PARG: variants seen among roughly 807,000 people sequenced by gnomAD.
PARG encodes poly(ADP-ribose) glycohydrolase, also known as mitochondrial poly(ADP-ribose) glycohydrolase.
In PARG, 35 loss-of-function variants were observed where a neutral mutation model predicts 113.0. The observed-to-expected ratio is 0.31, with a 90% CI of 0.24 to 0.41. PARG has a LOEUF of 0.41. PARG is among the 10% of genes least tolerant of loss of function. The pLI, the probability that PARG is intolerant of heterozygous loss-of-function variation, is 1.00. For synonymous variants in PARG, 330 were observed against 409.9 expected, an observed-to-expected ratio of 0.81 and a Z score of 2.36; for missense variants, 797 against 1,169.4, an observed-to-expected ratio of 0.68 and a Z score of 4.64.
intron 7 of PARG, among the ~76,000 whole-genome samples, chr10:49,915,421 C>T (rs1837417812): frequency 1.3e-5 from 2 of 152,032 alleles, no homozygotes; most frequent in South Asian, 4.1e-4. Context: ...TAGTAAATTG[C>T]TACAATTAAT....
At chr10:49,937,243 G>A (rs1352594200) in intron 1 of PARG, among the ~76,000 whole-genome samples, 1 of 152,192 alleles carries the variant, frequency 6.6e-6, no homozygotes, top group Non-Finnish European at 1.5e-5. Context: ...TTGGGAGGAC[G>A]AGGCAGGCGG....
chr10:49,938,612 CT>C (rs1177041984), intron 1 of PARG, among the ~76,000 whole-genome samples: 1 of 149,078 alleles, frequency 6.7e-6, no homozygotes, highest in African/African-American at 2.5e-5. Context: ...TTTTTTTTTT[CT>C]TTTTTCAGAA....
At chr10:49,827,151 G>A (rs1740250609) in intron 16 of PARG, among the ~76,000 whole-genome samples, 1 of 152,224 alleles carries the variant, frequency 6.6e-6, no homozygotes, top group African/African-American at 2.4e-5. Flanking sequence ...GTTACCACTG[G>A]AGTAGAATCT....
chr10:49,877,124 T>G (rs1458351878), intron 9 of PARG, among the ~76,000 whole-genome samples: 2 of 150,916 alleles, frequency 1.3e-5, no homozygotes, highest in Non-Finnish European at 3.0e-5. Flanking sequence ...CCAAGAATTA[T>G]GACAGTCTAA....
At chr10:49,867,933 C>CA (rs1480034121) in intron 10 of PARG, among the ~76,000 whole-genome samples, 67 of 151,660 alleles carry the variant, frequency 4.4e-4, no homozygotes, top group African/African-American at 1.5e-3. Flanking sequence ...AAAAACAAAA[C>CA]AAAAAAAACC....
intron 6 of PARG, 82 bp from the exon 7 acceptor site, chr10:49,916,073 C>T (rs1331674164): frequency 5.3e-6 from 4 of 748,898 alleles, no homozygotes; most frequent in Non-Finnish European, 9.6e-6. Context: ...TATGAATTAC[C>T]TCCAGTACAT....
intron 14 of PARG, 119 bp downstream of exon 14, chr10:49,843,435 C>T: frequency 1.4e-6 from 1 of 698,566 alleles, no homozygotes; most frequent in Middle Eastern, 2.4e-4. Flanking sequence ...GATTTCTTTT[C>T]TTTTTTCTTT....
At chr10:49,851,758 G>A (rs1845767395) in intron 13 of PARG, among the ~76,000 whole-genome samples, 1 of 138,866 alleles carries the variant, frequency 7.2e-6, no homozygotes, top group Non-Finnish European at 1.5e-5. Flanking sequence ...TCTGGATGTT[G>A]TACAGAAACA....
chr10:49,923,093 A>G (rs1424586239), intron 4 of PARG, among the ~76,000 whole-genome samples: 2 of 151,778 alleles, frequency 1.3e-5, no homozygotes, highest in Non-Finnish European at 2.9e-5. Context: ...CAAATCTTAA[A>G]CAACACTTAA....
intron 7 of PARG, among the ~76,000 whole-genome samples, chr10:49,912,327 A>G (rs551478577): frequency 3.3e-5 from 5 of 152,060 alleles, no homozygotes; most frequent in Non-Finnish European, 4.4e-5. Context: ...GAAAATAAAA[A>G]TTGAAAATAT....
At chr10:49,837,952 G>A (rs1343963630) in intron 15 of PARG, among the ~76,000 whole-genome samples, 3 of 152,264 alleles carry the variant, frequency 2.0e-5, no homozygotes, top group South Asian at 4.1e-4. Context: ...ATTGAGAAAA[G>A]CATTTAACAG....
In PARG at chr10:49,818,897, G is replaced by A. The variant is rs1843926022; in HGVS notation, c.*443C>T. 1.3e-5 allele frequency: 2 copies of A among 154,200 alleles called. No homozygotes were observed. Among genetic ancestry groups the A allele is most frequent in the Non-Finnish European group, 1.4e-5 (1 of 69,460 alleles). 9.6% of individuals were successfully genotyped at this position (154,200 alleles called of 1,614,324 possible). Reference sequence around the variant, plus strand: ...AAGCATATTAAGAGTTGAGTGGAAGGCTCACAGGGAGATTTTTAGCAAAAT... The same window carrying A: ...AAGCATATTAAGAGTTGAGTGGAAGACTCACAGGGAGATTTTTAGCAAAAT... On this transcript the variant is annotated 3_prime_UTR_variant, in exon 18 of 18. Coordinates refer to ENST00000616448, the MANE Select transcript of PARG (RefSeq NM_003631.5).
chr10:49,859,802 C>A (rs1846170787), intron 12 of PARG, among the ~76,000 whole-genome samples: 1 of 152,150 alleles, frequency 6.6e-6, no homozygotes, highest in Non-Finnish European at 1.5e-5. Flanking sequence ...CCTCTAAATG[C>A]CAAAGTCTTT....
intron 10 of PARG, chr10:49,867,425 TATATA>T (rs1235877472): frequency 6.6e-6 from 1 of 150,878 alleles, no homozygotes; most frequent in Non-Finnish European, 1.5e-5. Flanking sequence ...TTCTTAGAGG[TATATA>T]ATATAAGAGC....
At position 49,828,092 on chromosome 10, in the gene PARG, C is replaced by CAAAAAAAAAAAAAAAAAAAAAAAAAAAAA. The variant is rs71026274; in HGVS notation, c.2647+4682_2647+4710dup. On this transcript the variant is annotated intron_variant, in intron 16 of 17. Coordinates refer to ENST00000616448, the MANE Select transcript of PARG (RefSeq NM_003631.5). ...TGAGACGAGATGTAGAAAGCTTAAA[C>CAAAAAAAAAAAAAAAAAAAAAAAAAAAAA]AAAAAAAAAAAAAAAAAAAAAAAAA... 6.0e-5 allele frequency among the ~76,000 whole-genome samples: 3 copies of CAAAAAAAAAAAAAAAAAAAAAAAAAAAAA among 50,410 alleles called. 1 individual carries two copies. The highest frequency in any genetic ancestry group is 1.0e-4 in the Non-Finnish European group (3 of 28,590). The allele number at this position is 50,410 out of a possible 152,430, so 33.1% of individuals were successfully genotyped here.
chr10:49,843,880 C>T (rs1323105959), intron 13 of PARG, among the ~76,000 whole-genome samples: 5 of 152,196 alleles, frequency 3.3e-5, no homozygotes, highest in Admixed American at 2.0e-4. Flanking sequence ...AAGAGAGAGG[C>T]CAGGCGCAGT....
Position 49,941,876 on chromosome 10 carries a change from G to C in PARG, c.-151C>G. The C allele has an allele frequency of 3.6e-6, 5 of 1,388,334 alleles. No homozygotes were observed. The highest frequency in any genetic ancestry group is 4.9e-6 in the Non-Finnish European group (5 of 1,012,116). 86.0% of individuals were successfully genotyped at this position (1,388,334 alleles called of 1,614,324 possible). ...CTGCTTCTGCAATTGCTGATCCGCC[G>C]GCCTCCCAAGTCAGGCCGTAAACAC... On this transcript the variant is annotated 5_prime_UTR_variant, in exon 1 of 18. Transcript: ENST00000616448.
chr10:49,893,272 G>A (rs1847901179), intron 7 of PARG, among the ~76,000 whole-genome samples: 1 of 152,118 alleles, frequency 6.6e-6, no homozygotes, highest in Non-Finnish European at 1.5e-5. Flanking sequence ...AGTGCCTGCA[G>A]GCTAATATCT....
chr10:49,932,155 C>T lies in PARG; in HGVS notation c.1400G>A (p.Cys467Tyr). ...TCTCAAGAGAGGCAGCCGGATCCCA[C>T]ACCGAGGCATTCTTCTCATCTCCTC... ...PIEEMRRMPR[C>Y]GIRLPLLRPS... The change falls in exon 4 of 18, where the codon TGT becomes TAT. Residue 467 changes from cysteine (C) to tyrosine (Y), a missense_variant. Physicochemically the swap from Cys to Tyr is radical, Grantham distance 194. Around this residue, in one of 5 missense-constraint regions of PARG, gnomAD observed 252 missense variants for 437.4 expected, o/e 0.58. Coordinates refer to ENST00000616448, the MANE Select transcript of PARG (RefSeq NM_003631.5). The T allele has an allele frequency of 6.2e-7, 1 of 1,607,322 alleles. No homozygotes were observed. Among genetic ancestry groups the T allele is most frequent in the African/African-American group, 1.3e-5 (1 of 74,952 alleles).
Sources: allele counts gnomAD v4.1 joint callset (sites outside exome capture counted in the v4.1 genomes callset), GRCh38; gene constraint gnomAD v4.1.1; regional missense constraint gnomAD v4.1.1; transcripts MANE v1.5; gene names NCBI Gene and HGNC (gene_info 2026-07-23, HGNC 2026-07-21).